The following MCUB variants were observed in gnomAD, a reference collection of about 807,000 sequenced individuals.
MCUB encodes mitochondrial calcium uniporter dominant negative subunit beta, also known as calcium uniporter regulatory subunit MCUb, mitochondrial.
MCUB carries 46 observed loss-of-function variants against 41.4 expected under a neutral mutation model. That is an observed-to-expected ratio of 1.11 (90% CI 0.88 to 1.42). The LOEUF is 1.42. Among genes scored for constraint, MCUB ranks in the 40% most tolerant of loss-of-function variants. The pLI, the probability that MCUB is intolerant of heterozygous loss-of-function variation, is 0.00. For missense variants in MCUB, 403 were observed against 404.9 expected (o/e 1.00, Z 0.04); for synonymous variants, 148 against 148.2 (o/e 1.00, Z 0.01).
intron 1 of MCUB, among the ~76,000 whole-genome samples, chr4:109,580,637 T>C (rs993524242): frequency 2.6e-5 from 4 of 152,252 alleles, no homozygotes; most frequent in African/African-American, 7.2e-5. Flanking sequence ...CCAGTGATGA[T>C]GAGCATTTTT....
chr4:109,594,163 C>A (rs79879816), intron 1 of MCUB, among the ~76,000 whole-genome samples: 1 of 152,302 alleles, frequency 6.6e-6, no homozygotes, highest in East Asian at 1.9e-4. Flanking sequence ...TCAGCAGATC[C>A]TTGAGAATTT....
At chr4:109,671,469 C>G (rs887983134) in intron 4 of MCUB, among the ~76,000 whole-genome samples, 2 of 152,240 alleles carry the variant, frequency 1.3e-5, no homozygotes, top group Non-Finnish European at 2.9e-5. Flanking sequence ...TGGCATACCC[C>G]CAAGCTGACT....
At chr4:109,663,981 C>G (rs1256992971) in intron 3 of MCUB, among the ~76,000 whole-genome samples, 33 of 152,112 alleles carry the variant, frequency 2.2e-4, no homozygotes, top group Admixed American at 2.2e-3. Context: ...TTTCCACCTC[C>G]CCTGAACCTT....
At chr4:109,607,044 G>A (rs572621879) in intron 1 of MCUB, among the ~76,000 whole-genome samples, 1 of 152,224 alleles carries the variant, frequency 6.6e-6, no homozygotes, top group South Asian at 2.1e-4. Flanking sequence ...ACCACGCCTG[G>A]TCCATAGTTA....
intron 1 of MCUB, among the ~76,000 whole-genome samples, chr4:109,608,514 G>T (rs1483800165): frequency 6.7e-6 from 1 of 150,124 alleles, no homozygotes; most frequent in Non-Finnish European, 1.5e-5. Flanking sequence ...TTGAGACAGG[G>T]TCTCATTCTG....
At chr4:109,626,542 G>GT (rs1361761873) in intron 1 of MCUB, among the ~76,000 whole-genome samples, 1 of 152,038 alleles carries the variant, frequency 6.6e-6, no homozygotes, top group African/African-American at 2.4e-5. Flanking sequence ...GCCAGGCGCA[G>GT]TGGCTCATGC....
At chr4:109,632,268 T>TA (rs998652291) in intron 1 of MCUB, among the ~76,000 whole-genome samples, 1 of 152,086 alleles carries the variant, frequency 6.6e-6, no homozygotes, top group South Asian at 2.1e-4. Flanking sequence ...TTGAAAAGAT[T>TA]AAAAAAAATC....
At chr4:109,662,398 G>A (rs1431076172) in intron 3 of MCUB, among the ~76,000 whole-genome samples, 1 of 152,158 alleles carries the variant, frequency 6.6e-6, no homozygotes, top group Non-Finnish European at 1.5e-5. Context: ...CTTGCCTGGT[G>A]GTGTGTACTC....
At chr4:109,614,945 G>A (rs988579614) in intron 1 of MCUB, among the ~76,000 whole-genome samples, 1 of 152,118 alleles carries the variant, frequency 6.6e-6, no homozygotes, top group East Asian at 1.9e-4. Context: ...GCAGCAATGG[G>A]AAAAGCTACA....
chr4:109,611,202 C>T (rs527523955), intron 1 of MCUB, among the ~76,000 whole-genome samples: 1 of 152,212 alleles, frequency 6.6e-6, no homozygotes, highest in Non-Finnish European at 1.5e-5. Flanking sequence ...AAGTTACTAC[C>T]AGGAGGTGTT....
chr4:109,560,455 C>G lies in MCUB; in HGVS notation c.99+19C>G, dbSNP rs565120157. The G allele has an allele frequency of 1.7e-4, 202 of 1,184,142 alleles. 1 individual carries two copies. The African/African-American group carries it at 3.0e-3, about 17-fold the overall frequency. 73.4% of individuals were successfully genotyped at this position (1,184,142 alleles called of 1,614,324 possible). ...GCCCCAGGTAAGAGCGGGTGCCGGG[C>G]TGTGGGGGTTCGGGGTAGGCTGGTG... On this transcript the variant is annotated intron_variant, in intron 1 of 7. Transcript: ENST00000394650.
intron 1 of MCUB, among the ~76,000 whole-genome samples, chr4:109,628,935 G>A (rs1728418454): frequency 6.6e-6 from 1 of 152,158 alleles, no homozygotes; most frequent in African/African-American, 2.4e-5. Context: ...GGGCATTCAA[G>A]GCAAAGGAAG....
intron 1 of MCUB, among the ~76,000 whole-genome samples, chr4:109,591,113 T>C (rs922407368): frequency 1.3e-5 from 2 of 152,212 alleles, no homozygotes; most frequent in Non-Finnish European, 2.9e-5. Flanking sequence ...ATGCCTTTCC[T>C]GTCTACTGCA....
intron 4 of MCUB, among the ~76,000 whole-genome samples, chr4:109,679,033 G>A (rs922133717): frequency 1.2e-4 from 18 of 144,938 alleles, no homozygotes; most frequent in African/African-American, 3.1e-4. Context: ...GGGCAGAGGC[G>A]CTCCTCTCTT....
intron 1 of MCUB, among the ~76,000 whole-genome samples, chr4:109,585,840 C>T (rs1727294366): frequency 6.6e-6 from 1 of 152,206 alleles, no homozygotes; most frequent in Non-Finnish European, 1.5e-5. Context: ...ATGGGCTTCC[C>T]TTTGTGGGTA....
At chr4:109,612,084 C>T (rs190127242) in intron 1 of MCUB, among the ~76,000 whole-genome samples, 2 of 152,164 alleles carry the variant, frequency 1.3e-5, no homozygotes, top group Admixed American at 1.3e-4. Context: ...GATGGGGTGG[C>T]TTATAAAGAG....
At chr4:109,649,751 T>TAAAATAA (rs78398525) in intron 1 of MCUB, among the ~76,000 whole-genome samples, 1 of 151,270 alleles carries the variant, frequency 6.6e-6, no homozygotes, top group Non-Finnish European at 1.5e-5. Context: ...TATGATTTTT[T>TAAAATAA]AAAATAGAAA....
chr4:109,561,319 G>A (rs938441759), intron 1 of MCUB, among the ~76,000 whole-genome samples: 5 of 152,206 alleles, frequency 3.3e-5, no homozygotes, highest in Non-Finnish European at 7.3e-5. Flanking sequence ...AAGCCAAAAA[G>A]TAAGCAGTGT....
intron 1 of MCUB, among the ~76,000 whole-genome samples, chr4:109,642,032 A>G (rs925155061): frequency 6.6e-6 from 1 of 152,254 alleles, no homozygotes; most frequent in African/African-American, 2.4e-5. Flanking sequence ...TAAAGAAATT[A>G]TCTTTGGCTC....
Sources: allele counts gnomAD v4.1 joint callset (sites outside exome capture counted in the v4.1 genomes callset), GRCh38; gene constraint gnomAD v4.1.1; transcripts MANE v1.5; gene names NCBI Gene and HGNC (gene_info 2026-07-23, HGNC 2026-07-21).